NFE2L2: variants seen among roughly 807,000 people sequenced by gnomAD.
The protein encoded by NFE2L2 is NFE2 like bZIP transcription factor 2.
Under a neutral mutation model 49.6 loss-of-function variants are expected in NFE2L2, and 20 were observed. The ratio of observed to expected loss-of-function variants is 0.40; its 90% CI spans 0.28 to 0.59. The LOEUF (loss-of-function observed/expected upper bound fraction) is 0.59, where lower values mean the gene tolerates loss of function less well. NFE2L2 is among the 20% of genes least tolerant of loss of function. NFE2L2 has a pLI of 0.40. For synonymous variants in NFE2L2, 244 were observed against 256.5 expected, an observed-to-expected ratio of 0.95 and a Z score of 0.47; for missense variants, 578 against 714.2, an observed-to-expected ratio of 0.81 and a Z score of 2.17.
chr2:177,264,351 C>T, intron 1 of NFE2L2, 181 bp downstream of exon 1: 1 of 553,680 alleles, frequency 1.8e-6, no homozygotes, highest in Non-Finnish European at 3.0e-6. Context: ...CCGGCCGCGT[C>T]CCCGCTGCCC....
At chr2:177,264,508 G>A (rs898313458) in intron 1 of NFE2L2, 24 bp downstream of exon 1, 1 of 1,521,926 alleles carries the variant, frequency 6.6e-7, no homozygotes, top group East Asian at 2.7e-5. Context: ...CACCACCGCA[G>A]GGCCCAGAGG....
chr2:177,247,580 G>C (rs999885755), intron 1 of NFE2L2, among the ~76,000 whole-genome samples: 2 of 150,432 alleles, frequency 1.3e-5, no homozygotes, highest in Non-Finnish European at 2.9e-5. Context: ...AGAATCGCTT[G>C]AACCCAGGAG....
chr2:177,230,409 A>G lies in NFE2L2; in HGVS notation c.*376T>C, dbSNP rs1689496089. 1 of 237,268 alleles carries G rather than the reference A, an allele frequency of 4.2e-6. No individual in the cohort carries two copies. Among genetic ancestry groups the G allele is most frequent in the Non-Finnish European group, 8.3e-6 (1 of 121,132 alleles). 14.7% of individuals were successfully genotyped at this position (237,268 alleles called of 1,614,324 possible). ...ATAAAAAATGCCATTTTTTGTCCAT[A>G]CAGTATTTATAAAAAAGTACATAGT... On this transcript the variant is annotated 3_prime_UTR_variant, in exon 5 of 5. Transcript: ENST00000397062.
chr2:177,236,869 ATTT>A (rs1471885441), intron 1 of NFE2L2, among the ~76,000 whole-genome samples: 1 of 150,520 alleles, frequency 6.6e-6, no homozygotes, highest in African/African-American at 2.5e-5. Flanking sequence ...AAATTTTATT[ATTT>A]ATTTACTCAT....
At chr2:177,258,639 A>G (rs1272171332) in intron 1 of NFE2L2, among the ~76,000 whole-genome samples, 1 of 152,230 alleles carries the variant, frequency 6.6e-6, no homozygotes, top group Non-Finnish European at 1.5e-5. Flanking sequence ...ATATATATCT[A>G]TAAATTCTAT....
chr2:177,247,183 T>C (rs1446887890), intron 1 of NFE2L2, among the ~76,000 whole-genome samples: 1 of 152,168 alleles, frequency 6.6e-6, no homozygotes, highest in Non-Finnish European at 1.5e-5. Flanking sequence ...ACCAGCAGTG[T>C]GAGCGTGCAT....
chr2:177,263,549 G>C (rs182395677), intron 1 of NFE2L2: 1 of 985,500 alleles, frequency 1.0e-6, no homozygotes, highest in Non-Finnish European at 1.2e-6. Context: ...GCCCTGGCGC[G>C]GCGAGGTTTG....
At chr2:177,256,032 G>A (rs1303032034) in intron 1 of NFE2L2, 1 of 154,470 alleles carries the variant, frequency 6.5e-6, no homozygotes, top group Non-Finnish European at 1.5e-5. Context: ...GAATTTTAAT[G>A]GTTAAAAAAA....
intron 1 of NFE2L2, among the ~76,000 whole-genome samples, chr2:177,237,082 A>C (rs1689775728): frequency 6.6e-6 from 1 of 152,072 alleles, no homozygotes; most frequent in Admixed American, 6.5e-5. Flanking sequence ...CTGGTCTTGA[A>C]TTCCCGGGCT....
At chr2:177,240,128 A>G (rs1300937720) in intron 1 of NFE2L2, among the ~76,000 whole-genome samples, 2 of 152,146 alleles carry the variant, frequency 1.3e-5, no homozygotes, top group Non-Finnish European at 2.9e-5. Context: ...CTCACACATC[A>G]TCTAAGAGGA....
At chr2:177,236,830 C>T (rs552012687) in intron 1 of NFE2L2, among the ~76,000 whole-genome samples, 3 of 151,986 alleles carry the variant, frequency 2.0e-5, no homozygotes, top group Admixed American at 6.6e-5. Context: ...GTTATTTTTT[C>T]GGGTTTTTTT....
rs980020009 is a variant in NFE2L2, at chr2:177,263,914, G to C, written c.45+618C>G. Reference sequence around the variant, plus strand: ...TTCAAGAGAGCTCAAGGCTGCCAGAGAGTGATCCGAGAGATGGATGACTTC... The same window carrying C: ...TTCAAGAGAGCTCAAGGCTGCCAGACAGTGATCCGAGAGATGGATGACTTC... On this transcript the variant is annotated intron_variant, in intron 1 of 4. Coordinates refer to ENST00000397062, the MANE Select transcript of NFE2L2 (RefSeq NM_006164.5). The C allele has an allele frequency of 3.0e-6, 3 of 985,496 alleles. No individual in the cohort carries two copies. The African/African-American group carries it at 5.2e-5, about 17-fold the overall frequency. The allele number at this position is 985,496 out of a possible 1,614,324, so 61.0% of individuals were successfully genotyped here.
At chr2:177,235,996 T>C (rs1412490810) in intron 1 of NFE2L2, among the ~76,000 whole-genome samples, 3 of 152,152 alleles carry the variant, frequency 2.0e-5, no homozygotes, top group Non-Finnish European at 4.4e-5. Context: ...ATTCCACAAA[T>C]CACCTATAGG....
At chr2:177,233,197 A>G (rs774759551) in intron 3 of NFE2L2, 53 bp downstream of exon 3, 2 of 1,402,868 alleles carry the variant, frequency 1.4e-6, no homozygotes, top group Admixed American at 2.3e-5. Flanking sequence ...ATAGATTGTT[A>G]TTTTATAGTT....
chr2:177,262,225 T>G (rs888157072), intron 1 of NFE2L2, among the ~76,000 whole-genome samples: 3 of 152,246 alleles, frequency 2.0e-5, no homozygotes, highest in African/African-American at 7.2e-5. Context: ...ATGAGAGGCC[T>G]GTCCTATTTT....
intron 1 of NFE2L2, among the ~76,000 whole-genome samples, chr2:177,236,077 G>T (rs1689738903): frequency 1.3e-5 from 2 of 152,222 alleles, no homozygotes; most frequent in Non-Finnish European, 2.9e-5. Context: ...AAGGCCAGTG[G>T]GTACAGTGTA....
intron 1 of NFE2L2, among the ~76,000 whole-genome samples, chr2:177,238,358 A>G (rs1471198271): frequency 6.6e-6 from 1 of 152,220 alleles, no homozygotes; most frequent in Non-Finnish European, 1.5e-5. Flanking sequence ...TGGAATTTAT[A>G]ATTGTCAGTG....
At chr2:177,238,118 T>C (rs1429287065) in intron 1 of NFE2L2, among the ~76,000 whole-genome samples, 1 of 152,170 alleles carries the variant, frequency 6.6e-6, no homozygotes, top group Non-Finnish European at 1.5e-5. Flanking sequence ...ACTCAAATAC[T>C]TGTCCCTGTA....
At chr2:177,264,187 G>C (rs1690854322) in intron 1 of NFE2L2, among the ~76,000 whole-genome samples, 1 of 152,008 alleles carries the variant, frequency 6.6e-6, no homozygotes, top group Non-Finnish European at 1.5e-5. Flanking sequence ...GCCGCCCACC[G>C]GGCCGCTCAA....
Sources: gnomAD v4.1 joint callset for allele counts (sites outside exome capture counted in the v4.1 genomes callset) on GRCh38, gnomAD v4.1.1 for gene constraint, MANE v1.5 for transcripts, NCBI Gene and HGNC (gene_info 2026-07-23, HGNC 2026-07-21) for gene names.